The following APBA2 variants were observed in gnomAD, a reference collection of about 807,000 sequenced individuals.
APBA2 encodes the protein amyloid beta precursor protein binding family A member 2, also known as amyloid-beta A4 precursor protein-binding family A member 2.
Under a neutral mutation model 75.0 loss-of-function variants are expected in APBA2, and 30 were observed. The ratio of observed to expected loss-of-function variants is 0.40; its 90% confidence interval spans 0.30 to 0.54. The LOEUF (loss-of-function observed/expected upper bound fraction) is 0.54. Among genes scored for constraint, APBA2 ranks in the 20% least tolerant of loss-of-function variants. The pLI, the probability that APBA2 is intolerant of heterozygous loss-of-function variation, is 0.49. For missense variants in APBA2, 801 were observed against 1,016.1 expected, an observed-to-expected ratio of 0.79 and a Z score of 2.88; for synonymous variants, 444 against 409.6, an observed-to-expected ratio of 1.08 and a Z score of -1.01.
chr15:29,055,428 A>T (rs2041839934), intron 4 of APBA2, among the ~76,000 whole-genome samples: 1 of 152,220 alleles, frequency 6.6e-6, no homozygotes, highest in African/African-American at 2.4e-5. Flanking sequence ...ACGCATGCTA[A>T]TGAGGGCAGT....
Position 29,094,594 on chromosome 15 carries a change from A to G in APBA2, c.1251+281A>G, listed in dbSNP as rs534596074. 5.3e-5 allele frequency among the ~76,000 whole-genome samples: 8 copies of G among 152,358 alleles called. No individual in the cohort carries two copies. The South Asian group carries it at 1.7e-3, about 32-fold the overall frequency. On this transcript the variant is annotated intron_variant, in intron 8 of 14. Coordinates refer to ENST00000683413, the MANE Select transcript of APBA2 (RefSeq NM_001353788.2). ...TGTGATGTTCCTGTTTTACGTGGAC[A>G]TTTTAAATTGATATGACATTTAGTT... is the stretch of plus-strand genomic sequence containing the variant.
chr15:29,064,303 T>C (rs547443362), intron 4 of APBA2, among the ~76,000 whole-genome samples: 106 of 152,328 alleles, frequency 7.0e-4, no homozygotes, highest in Non-Finnish European at 9.0e-4. Context: ...CTCCTCCTGC[T>C]GGGCTGCTCC....
chr15:29,054,788 C>G lies in APBA2; in HGVS notation c.904C>G (p.Pro302Ala). 2 of 1,602,830 alleles carry G rather than the reference C, an allele frequency of 1.2e-6. No homozygotes were observed. The highest frequency in any genetic ancestry group is 1.7e-6 in the Non-Finnish European group (2 of 1,179,938). Residue 302 changes from proline (P) to alanine (A), a missense_variant, in exon 4 of 15, where the codon CCC becomes GCC. Physicochemically the swap from Pro to Ala is conservative, Grantham distance 27. Transcript: ENST00000683413. This position sits in a 1 kb window ranked among gnomAD's most constrained non-coding sequence, Gnocchi z 6.1. Reference protein sequence around the residue: ...HPGDPQRGFKPKTRTPEERLK... With the variant: ...HPGDPQRGFKAKTRTPEERLK... ...CGGAGACCCCCAGAGAGGCTTCAAGCCCAAGACCAGGACCCCAGAAGAGAG... is the reference window on the plus strand; with the variant it reads ...CGGAGACCCCCAGAGAGGCTTCAAGGCCAAGACCAGGACCCCAGAAGAGAG...
intron 6 of APBA2, among the ~76,000 whole-genome samples, chr15:29,078,663 G>C (rs1413249209): frequency 6.6e-6 from 1 of 151,928 alleles, no homozygotes; most frequent in Non-Finnish European, 1.5e-5. Context: ...AGAGGCAAGA[G>C]GCCGCCGGTT....
At chr15:29,033,690 G>C (rs1023288428) in intron 3 of APBA2, among the ~76,000 whole-genome samples, 3 of 152,160 alleles carry the variant, frequency 2.0e-5, no homozygotes. Context: ...GCTGGGCGCG[G>C]TGGCTCACGC....
intron 3 of APBA2, among the ~76,000 whole-genome samples, chr15:29,048,908 A>T (rs1265974106): frequency 6.7e-6 from 1 of 150,032 alleles, no homozygotes; most frequent in African/African-American, 2.5e-5. Flanking sequence ...ACACCACTGC[A>T]CTCCGGCCTG....
chr15:28,934,286 C>T lies in APBA2; in HGVS notation c.-95+12537C>T, dbSNP rs117652868. Among the ~76,000 whole-genome samples the T allele has an allele frequency of 5.1e-3, 772 of 152,132 alleles. 5 individuals are homozygous for T. The highest frequency in any genetic ancestry group is 0.04 in the South Asian group (192 of 4,804). On this transcript the variant is annotated intron_variant, in intron 2 of 14. Transcript: ENST00000683413. ...GTGGGGAATGGTTTGGGGTGGGAGG[C>T]AGGACAAGCAGCTGTGGACTCCTGT...
chr15:28,947,085 C>G (rs922120023), intron 2 of APBA2, among the ~76,000 whole-genome samples: 1 of 152,234 alleles, frequency 6.6e-6, no homozygotes, highest in African/African-American at 2.4e-5. Context: ...CATCGTCCCT[C>G]TTTTCCTGGA....
In APBA2 at chr15:29,108,297, C is replaced by T. The variant is rs1256980787; in HGVS notation, c.1945C>T (p.Leu649Phe). ...CCTGAAGAACCAGACACAGGTGAAG[C>T]TCAACATTGTCAGCTGTCCCCCGGT... Reference protein sequence around the residue: ...KGLKNQTQVKLNIVSCPPVTT... With the variant: ...KGLKNQTQVKFNIVSCPPVTT... Residue 649 changes from leucine to phenylalanine, a missense_variant, in exon 13 of 15, where the codon CTC becomes TTC. Around this residue, in one of 2 missense-constraint regions of APBA2, gnomAD observed 367 missense variants for 544.5 expected, o/e 0.67. Transcript: ENST00000683413. The T allele has an allele frequency of 4.3e-6, 7 of 1,613,888 alleles. No homozygotes were observed. Among genetic ancestry groups the T allele is most frequent in the Non-Finnish European group, 5.9e-6 (7 of 1,180,034 alleles).
chr15:28,955,928 C>G (rs1216936834), intron 2 of APBA2, among the ~76,000 whole-genome samples: 1 of 152,088 alleles, frequency 6.6e-6, no homozygotes, highest in Non-Finnish European at 1.5e-5. Flanking sequence ...GCCGTGGACC[C>G]GTAGCTCAGC....
chr15:28,999,076 G>T (rs1341244346), intron 3 of APBA2, among the ~76,000 whole-genome samples: 1 of 151,770 alleles, frequency 6.6e-6, no homozygotes, highest in Admixed American at 6.6e-5. Context: ...TGAACCTGGG[G>T]GGCGGAGGTT....
intron 3 of APBA2, among the ~76,000 whole-genome samples, chr15:29,001,822 A>G (rs1024941992): frequency 6.6e-6 from 1 of 152,224 alleles, no homozygotes; most frequent in African/African-American, 2.4e-5. Flanking sequence ...TAAAAGATGG[A>G]AAATGGGTTA....
At chr15:28,951,135 A>C (rs1566834196) in intron 2 of APBA2, among the ~76,000 whole-genome samples, 2 of 152,200 alleles carry the variant, frequency 1.3e-5, no homozygotes, top group Non-Finnish European at 2.9e-5. Flanking sequence ...TCCTTAAACA[A>C]TACAGTATAA....
At chr15:29,068,279 A>T (rs1284068804) in intron 4 of APBA2, among the ~76,000 whole-genome samples, 1 of 152,194 alleles carries the variant, frequency 6.6e-6, no homozygotes, top group Non-Finnish European at 1.5e-5. Flanking sequence ...AGGATGGAAA[A>T]ATTGCGGATG....
At chr15:29,022,365 C>T (rs547753371) in intron 3 of APBA2, among the ~76,000 whole-genome samples, 59 of 152,200 alleles carry the variant, frequency 3.9e-4, no homozygotes, top group African/African-American at 1.4e-3. Flanking sequence ...TGCATTTCCC[C>T]GATTGGTCTT....
At chr15:28,960,385 C>T (rs553861064) in intron 2 of APBA2, among the ~76,000 whole-genome samples, 31 of 151,840 alleles carry the variant, frequency 2.0e-4, no homozygotes, top group Non-Finnish European at 4.0e-4. Context: ...ATTGCCTGAG[C>T]CTGAGAGGTT....
intron 3 of APBA2, among the ~76,000 whole-genome samples, chr15:29,009,368 A>G (rs17681130): frequency 0.078 from 11,883 of 152,210 alleles, 639 homozygotes; most frequent in East Asian, 0.27. Flanking sequence ...TTTGAATTGA[A>G]CAGTGTGCAA....
intron 4 of APBA2, among the ~76,000 whole-genome samples, chr15:29,056,714 C>T (rs1312707893): frequency 6.6e-6 from 1 of 150,592 alleles, no homozygotes; most frequent in South Asian, 2.1e-4. Flanking sequence ...TCAAGGGGAA[C>T]ACCTGCTAGT....
At chr15:29,019,627 G>T (rs181409994) in intron 3 of APBA2, among the ~76,000 whole-genome samples, 2 of 152,340 alleles carry the variant, frequency 1.3e-5, no homozygotes, top group African/African-American at 2.4e-5. Context: ...TCAGAACATG[G>T]TATTGTGGAG....
Sources: allele counts gnomAD v4.1 joint callset (sites outside exome capture counted in the v4.1 genomes callset), GRCh38; gene constraint gnomAD v4.1.1; regional missense constraint gnomAD v4.1.1; non-coding constraint Gnocchi (gnomAD v3.1); transcripts MANE v1.5; gene names NCBI Gene and HGNC (gene_info 2026-07-23, HGNC 2026-07-21).